The following NCALD variants were observed in gnomAD, a reference collection of about 807,000 sequenced individuals.
NCALD encodes neurocalcin delta, also known as neurocalcin-delta.
NCALD carries 10 observed loss-of-function variants against 18.6 expected under a neutral mutation model. That is an observed-to-expected ratio of 0.54 (90% confidence interval 0.33 to 0.91). The LOEUF is 0.91. NCALD is among the 40% of genes least tolerant of loss of function. NCALD has a pLI of 0.03. For synonymous variants in NCALD, 88 were observed against 87.4 expected, an observed-to-expected ratio of 1.01 and a Z score of -0.04; for missense variants, 184 against 247.6, an observed-to-expected ratio of 0.74 and a Z score of 1.72.
chr8:101,916,778 T>C (rs1319733392), intron 2 of NCALD, among the ~76,000 whole-genome samples: 1 of 152,168 alleles, frequency 6.6e-6, no homozygotes, highest in East Asian at 1.9e-4. Flanking sequence ...TATGTAATGA[T>C]AAAAAGTTCA....
At chr8:101,802,899 C>CAAAAA (rs34519871) in intron 4 of NCALD, among the ~76,000 whole-genome samples, 44 of 99,518 alleles carry the variant, frequency 4.4e-4, no homozygotes, top group East Asian at 1.1e-3. Context: ...TGCTGCTGCT[C>CAAAAA]AAAAAAAAAA....
At chr8:102,091,030 C>T (rs1383516111) in intron 1 of NCALD, among the ~76,000 whole-genome samples, 1 of 152,066 alleles carries the variant, frequency 6.6e-6, no homozygotes, top group Non-Finnish European at 1.5e-5. Context: ...TTCTAACAGG[C>T]CCAGGAGCCC....
chr8:102,115,318 C>A (rs1374860816), intron 1 of NCALD, among the ~76,000 whole-genome samples: 1 of 151,968 alleles, frequency 6.6e-6, no homozygotes, highest in South Asian at 2.1e-4. Flanking sequence ...ACCTTTTTTT[C>A]TTTCCTTCCT....
chr8:101,782,529 G>C (rs1032031016), intron 1 of NCALD, among the ~76,000 whole-genome samples: 2 of 152,040 alleles, frequency 1.3e-5, no homozygotes, highest in Non-Finnish European at 2.9e-5. Context: ...ATCAAATCCA[G>C]CTTAAGTGGA....
chr8:101,805,359 C>G (rs931024500), intron 4 of NCALD, among the ~76,000 whole-genome samples: 1 of 152,136 alleles, frequency 6.6e-6, no homozygotes, highest in African/African-American at 2.4e-5. Context: ...GGACACCAGC[C>G]TTTCTTCAGC....
intron 2 of NCALD, among the ~76,000 whole-genome samples, chr8:101,703,400 G>T (rs1815363908): frequency 6.6e-6 from 1 of 152,172 alleles, no homozygotes; most frequent in Non-Finnish European, 1.5e-5. Context: ...CAGGACAGGT[G>T]GCAGCAGGAC....
At chr8:102,010,150 C>T (rs1415865864) in intron 2 of NCALD, among the ~76,000 whole-genome samples, 13 of 152,242 alleles carry the variant, frequency 8.5e-5, no homozygotes, top group Admixed American at 7.8e-4. Flanking sequence ...ATCACAAACA[C>T]GTAGCACCCT....
chr8:101,717,455 G>A (rs150265036), intron 2 of NCALD, among the ~76,000 whole-genome samples: 11 of 152,288 alleles, frequency 7.2e-5, no homozygotes, highest in African/African-American at 2.4e-4. Context: ...TTTCTGAGTC[G>A]TGGAGGGACG....
chr8:101,980,470 GA>G (rs1444314031), intron 2 of NCALD, among the ~76,000 whole-genome samples: 1 of 152,178 alleles, frequency 6.6e-6, no homozygotes, highest in Non-Finnish European at 1.5e-5. Flanking sequence ...CTTCGCAAGA[GA>G]AAGACTATTG....
In NCALD at chr8:102,005,187, A is replaced by G. The variant is rs184420439; in HGVS notation, c.-157+15050T>C. Among the ~76,000 whole-genome samples the G allele has an allele frequency of 4.5e-3, 681 of 152,336 alleles. 2 individuals are homozygous for G. The highest frequency in any genetic ancestry group is 0.015 in the African/African-American group (603 of 41,574). The stretch of plus-strand genomic sequence containing the variant: ...ATGAACTCAAACAAATTTACAAGAA[A>G]AAAACAACCCCATCAACAAGTGGGC... On this transcript the variant is annotated intron_variant, in intron 2 of 6. Transcript: ENST00000311028.
intron 2 of NCALD, among the ~76,000 whole-genome samples, chr8:102,004,884 A>G (rs1379890842): frequency 6.6e-6 from 1 of 152,224 alleles, no homozygotes; most frequent in African/African-American, 2.4e-5. Flanking sequence ...TCAATTCAAG[A>G]TGGATTAAAG....
intron 1 of NCALD, among the ~76,000 whole-genome samples, chr8:102,043,396 G>A (rs1279873942): frequency 2.0e-5 from 3 of 151,738 alleles, no homozygotes; most frequent in African/African-American, 7.3e-5. Context: ...TAGAGTTGAC[G>A]GCTCTCTTGC....
chr8:101,978,429 A>T (rs1436624961), intron 2 of NCALD, among the ~76,000 whole-genome samples: 4 of 152,172 alleles, frequency 2.6e-5, no homozygotes, highest in African/African-American at 4.8e-5. Flanking sequence ...ATTTCATTTT[A>T]TCTTCCTATG....
intron 1 of NCALD, among the ~76,000 whole-genome samples, chr8:102,065,805 C>T (rs140310791): frequency 6.6e-6 from 1 of 152,262 alleles, no homozygotes; most frequent in African/African-American, 2.4e-5. Flanking sequence ...GAGACCCTGT[C>T]TCCAGAATAA....
chr8:102,056,718 A>G (rs1250210719), intron 1 of NCALD, among the ~76,000 whole-genome samples: 1 of 152,236 alleles, frequency 6.6e-6, no homozygotes, highest in African/African-American at 2.4e-5. Flanking sequence ...AGTTGATGAG[A>G]CTTAAAGTCT....
chr8:101,973,169 C>T (rs1026444565), intron 2 of NCALD, among the ~76,000 whole-genome samples: 1 of 152,102 alleles, frequency 6.6e-6, no homozygotes, highest in Admixed American at 6.6e-5. Context: ...AACAGAGGAC[C>T]ACACTTTGTT....
At position 101,778,179 on chromosome 8, in the gene NCALD, G is replaced by A. The variant is rs946326683; in HGVS notation, c.-20+12683C>T. Among the ~76,000 whole-genome samples the A allele has an allele frequency of 4.6e-5, 7 of 152,312 alleles. No homozygotes were observed. The East Asian group carries it at 5.8e-4, about 13-fold the overall frequency. On this transcript the variant is annotated intron_variant, in intron 1 of 3. Transcript: ENST00000220931. ...GCCTGTCTGCTTCCCACTGTCACAT[G>A]TGCCTCCTGTGAGCCGAACTGCCAG...
Position 101,899,626 on chromosome 8 carries a change from A to G in NCALD, c.-106-12399T>C, listed in dbSNP as rs563095416. On this transcript the variant is annotated intron_variant, in intron 3 of 6. Transcript: ENST00000311028. The stretch of plus-strand genomic sequence containing the variant: ...CATTTTGTCAAATGGGTTTCTGTAC[A>G]TCAATTAGTATGATTGTGATTTTTT... 2.6e-5 allele frequency among the ~76,000 whole-genome samples: 4 copies of G among 152,034 alleles called. No homozygotes were observed. In the South Asian group the frequency reaches 6.2e-4, roughly 24 times the overall value.
At chr8:101,829,769 C>A (rs940751756) in intron 4 of NCALD, among the ~76,000 whole-genome samples, 2 of 152,104 alleles carry the variant, frequency 1.3e-5, no homozygotes, top group African/African-American at 4.8e-5. Flanking sequence ...TGCTTTCATA[C>A]AACTAAACAG....
Sources: gnomAD v4.1 joint callset for allele counts (sites outside exome capture counted in the v4.1 genomes callset) on GRCh38, gnomAD v4.1.1 for gene constraint, MANE v1.5 for transcripts, NCBI Gene and HGNC (gene_info 2026-07-23, HGNC 2026-07-21) for gene names.